The following BBX variants were observed in gnomAD, a reference collection of about 807,000 sequenced individuals.
BBX encodes the protein HMG box transcription factor BBX.
Under a neutral mutation model 100.2 loss-of-function variants are expected in BBX, and 30 were observed. The observed-to-expected ratio is 0.30, with a 90% CI of 0.22 to 0.41. The LOEUF is 0.41. Ranked by LOEUF, BBX falls within the 10% of genes least tolerant of loss-of-function variation. The probability of loss-of-function intolerance (pLI) is 1.00; values close to 1 mark genes in which losing one functional copy is unlikely to be tolerated. For synonymous variants in BBX, 376 were observed against 388.1 expected (o/e 0.97, Z 0.37); for missense variants, 1,023 against 1,129.8 (o/e 0.91, Z 1.35).
At chr3:107,675,788 C>A (rs2059250701) in intron 3 of BBX, among the ~76,000 whole-genome samples, 1 of 152,152 alleles carries the variant, frequency 6.6e-6, no homozygotes. Context: ...CTTGAGCTAA[C>A]CTTTAACTCC....
intron 2 of BBX, among the ~76,000 whole-genome samples, chr3:107,620,580 G>A (rs764372195): frequency 2.6e-5 from 4 of 152,206 alleles, no homozygotes; most frequent in Non-Finnish European, 4.4e-5. Flanking sequence ...ATTATTGCAA[G>A]ATGAGAAGTC....
At chr3:107,724,215 A>G (rs572225333) in intron 5 of BBX, among the ~76,000 whole-genome samples, 1 of 152,182 alleles carries the variant, frequency 6.6e-6, no homozygotes, top group African/African-American at 2.4e-5. Flanking sequence ...TCTTCTTTTG[A>G]GAAGTGTCTG....
chr3:107,543,904 C>A (rs940672188), intron 2 of BBX, among the ~76,000 whole-genome samples: 1 of 152,160 alleles, frequency 6.6e-6, no homozygotes, highest in African/African-American at 2.4e-5. Flanking sequence ...TGTACTGCGA[C>A]GCCTCATGGT....
At chr3:107,754,032 T>A (rs539017128) in intron 9 of BBX, among the ~76,000 whole-genome samples, 1 of 152,318 alleles carries the variant, frequency 6.6e-6, no homozygotes, top group South Asian at 2.1e-4. Flanking sequence ...ACACCTAATC[T>A]TCACAGCATA....
intron 10 of BBX, among the ~76,000 whole-genome samples, chr3:107,767,346 A>AGGCAG (rs764555973): frequency 9.2e-5 from 14 of 152,104 alleles, no homozygotes; most frequent in Non-Finnish European, 1.6e-4. Flanking sequence ...CATCAGGGTA[A>AGGCAG]GGCAGAGGCA....
intron 3 of BBX, among the ~76,000 whole-genome samples, chr3:107,682,377 T>C (rs1232165475): frequency 1.3e-5 from 2 of 152,168 alleles, no homozygotes; most frequent in Non-Finnish European, 2.9e-5. Flanking sequence ...GGTATGCTTC[T>C]ATTAAGTGTG....
At chr3:107,651,624 G>A (rs1174392141) in intron 3 of BBX, among the ~76,000 whole-genome samples, 1 of 151,904 alleles carries the variant, frequency 6.6e-6, no homozygotes, top group Non-Finnish European at 1.5e-5. Flanking sequence ...AATCAGTTGA[G>A]AATGCAAACA....
chr3:107,572,756 G>A (rs527352892), intron 2 of BBX, among the ~76,000 whole-genome samples: 2 of 152,238 alleles, frequency 1.3e-5, no homozygotes, highest in African/African-American at 4.8e-5. Flanking sequence ...TACCTCTATT[G>A]TTGTATTAAA....
At chr3:107,677,403 GTTGAATTTATTTT>G (rs1245069516) in intron 3 of BBX, 2 of 152,046 alleles carry the variant, frequency 1.3e-5, no homozygotes, top group African/African-American at 4.8e-5. Context: ...ATTTCTTAGT[GTTGAATTTATTTT>G]TCAAATACAG....
intron 3 of BBX, among the ~76,000 whole-genome samples, chr3:107,688,125 T>G (rs1227630083): frequency 2.0e-5 from 3 of 152,246 alleles, no homozygotes; most frequent in Admixed American, 6.5e-5. Flanking sequence ...CAGATTATCT[T>G]TGACCATTTC....
At chr3:107,678,534 G>A (rs925355580) in intron 3 of BBX, among the ~76,000 whole-genome samples, 1 of 152,018 alleles carries the variant, frequency 6.6e-6, no homozygotes, top group African/African-American at 2.4e-5. Flanking sequence ...GATAAGCCTA[G>A]GCAACACAGT....
At chr3:107,763,712 A>G (rs180867194) in intron 10 of BBX, among the ~76,000 whole-genome samples, 3 of 152,256 alleles carry the variant, frequency 2.0e-5, no homozygotes, top group South Asian at 4.2e-4. Context: ...CTTTTTATAC[A>G]TGGTCTAACA....
intron 2 of BBX, among the ~76,000 whole-genome samples, chr3:107,621,306 G>T (rs533506634): frequency 2.3e-3 from 345 of 152,230 alleles, no homozygotes; most frequent in South Asian, 4.4e-3. Context: ...GAAAATCCAG[G>T]AAACGTACCA....
intron 10 of BBX, among the ~76,000 whole-genome samples, chr3:107,763,850 T>C (rs1479396242): frequency 2.0e-5 from 3 of 152,154 alleles, no homozygotes; most frequent in Non-Finnish European, 1.5e-5. Flanking sequence ...GAAACCTCAG[T>C]GCGATTTTTA....
intron 10 of BBX, among the ~76,000 whole-genome samples, chr3:107,768,078 G>A (rs922832201): frequency 5.9e-5 from 9 of 152,250 alleles, no homozygotes; most frequent in Non-Finnish European, 1.2e-4. Context: ...GTGGCTTTCT[G>A]CTGTCACTAA....
chr3:107,541,318 A>T (rs887288863), intron 2 of BBX, among the ~76,000 whole-genome samples: 2 of 151,690 alleles, frequency 1.3e-5, no homozygotes, highest in Non-Finnish European at 2.9e-5. Context: ...TTGAGCTAAA[A>T]TTTTTTTTTC....
intron 2 of BBX, among the ~76,000 whole-genome samples, chr3:107,586,456 A>G (rs1346171057): frequency 1.3e-5 from 2 of 152,210 alleles, no homozygotes; most frequent in South Asian, 2.1e-4. Context: ...TGTGAATTAA[A>G]CAATTTTAAT....
intron 3 of BBX, among the ~76,000 whole-genome samples, chr3:107,670,506 G>A (rs1010246376): frequency 8.6e-5 from 13 of 151,802 alleles, no homozygotes; most frequent in East Asian, 1.9e-4. Context: ...ACTATACATC[G>A]TATGTATTGA....
intron 3 of BBX, among the ~76,000 whole-genome samples, chr3:107,696,985 C>G (rs186660026): frequency 6.6e-6 from 1 of 151,750 alleles, no homozygotes; most frequent in Non-Finnish European, 1.5e-5. Context: ...TCCATTTGAT[C>G]GCATCAGCTC....
Sources: allele counts gnomAD v4.1 joint callset (sites outside exome capture counted in the v4.1 genomes callset), GRCh38; gene constraint gnomAD v4.1.1; transcripts MANE v1.5; gene names NCBI Gene and HGNC (gene_info 2026-07-23, HGNC 2026-07-21).